Variants in SLC8A1 observed in about 807,000 individuals in gnomAD.
The protein encoded by SLC8A1 is solute carrier family 8 member A1.
A neutral mutation model predicts 68.3 loss-of-function variants in SLC8A1; 18 were observed. That is an observed-to-expected ratio of 0.26 (90% confidence interval 0.18 to 0.39). SLC8A1 has a LOEUF of 0.39. SLC8A1 is among the 10% of genes least tolerant of loss of function. SLC8A1 has a pLI of 1.00. For missense variants in SLC8A1, 985 were observed against 1,156.7 expected (o/e 0.85, Z 2.15); for synonymous variants, 475 against 415.5 (o/e 1.14, Z -1.74).
At chr2:40,286,395 T>C (rs1007670837) in intron 2 of SLC8A1, among the ~76,000 whole-genome samples, 1 of 152,134 alleles carries the variant, frequency 6.6e-6, no homozygotes, top group Admixed American at 6.5e-5. Context: ...CTTAAGACCA[T>C]TTATTTTGAG....
intron 2 of SLC8A1, among the ~76,000 whole-genome samples, chr2:40,343,685 G>C (rs1200414594): frequency 6.6e-6 from 1 of 152,056 alleles, no homozygotes; most frequent in African/African-American, 2.4e-5. Flanking sequence ...ATTAAATATA[G>C]ACATATCATA....
chr2:40,408,044 C>G (rs1576221785), intron 2 of SLC8A1, among the ~76,000 whole-genome samples: 1 of 152,144 alleles, frequency 6.6e-6, no homozygotes, highest in East Asian at 1.9e-4. Flanking sequence ...ATATGTTACC[C>G]CCATAACAAG....
chr2:40,194,411 G>T (rs1259246585), intron 2 of SLC8A1, among the ~76,000 whole-genome samples: 4 of 151,346 alleles, frequency 2.6e-5, no homozygotes, highest in African/African-American at 4.9e-5. Context: ...GTGGGAAAGG[G>T]TAAAAGGATA....
At chr2:40,097,463 A>C (rs547785293) in exon 8 of SLC8A1, 1 of 151,992 alleles carries the variant, frequency 6.6e-6, no homozygotes, top group East Asian at 1.9e-4. Flanking sequence ...ATATTAACAT[A>C]CCATCAATTT....
At chr2:40,330,947 A>G (rs2076345561) in intron 2 of SLC8A1, among the ~76,000 whole-genome samples, 1 of 152,208 alleles carries the variant, frequency 6.6e-6, no homozygotes, top group Non-Finnish European at 1.5e-5. Context: ...CACATACAAA[A>G]TTGAATGAAT....
intron 2 of SLC8A1, among the ~76,000 whole-genome samples, chr2:40,414,110 T>G (rs528251063): frequency 6.6e-6 from 1 of 152,344 alleles, no homozygotes; most frequent in Non-Finnish European, 1.5e-5. Context: ...ATAAATGTGT[T>G]GCTCATGCTC....
At chr2:40,152,602 G>C (rs1163277822) in intron 6 of SLC8A1, among the ~76,000 whole-genome samples, 2 of 149,644 alleles carry the variant, frequency 1.3e-5, no homozygotes, top group Non-Finnish European at 3.0e-5. Context: ...TTTTAGTAGA[G>C]ACAGAGTTTC....
chr2:40,451,102 C>T (rs535223373), intron 1 of SLC8A1, among the ~76,000 whole-genome samples: 3 of 152,196 alleles, frequency 2.0e-5, no homozygotes, highest in Admixed American at 2.0e-4. Flanking sequence ...GCTATAAGAC[C>T]GCCCTCTTCT....
chr2:40,170,679 G>A (rs990508854), intron 4 of SLC8A1, among the ~76,000 whole-genome samples: 3 of 152,192 alleles, frequency 2.0e-5, no homozygotes, highest in Non-Finnish European at 2.9e-5. Context: ...TCAAGGTACC[G>A]CTTGCAGAAG....
At chr2:40,408,993 A>AACTAT (rs1691276101) in intron 2 of SLC8A1, among the ~76,000 whole-genome samples, 1 of 152,198 alleles carries the variant, frequency 6.6e-6, no homozygotes, top group Admixed American at 6.6e-5. Context: ...AAAAAGTTGT[A>AACTAT]ACTATACAGC....
intron 2 of SLC8A1, among the ~76,000 whole-genome samples, chr2:40,426,004 C>T (rs1033560136): frequency 1.3e-5 from 2 of 151,802 alleles, no homozygotes; most frequent in African/African-American, 4.8e-5. Context: ...TTTCTAGAAA[C>T]CTTGTGTTTG....
At chr2:40,300,171 A>G (rs1297947543) in intron 2 of SLC8A1, among the ~76,000 whole-genome samples, 1 of 152,192 alleles carries the variant, frequency 6.6e-6, no homozygotes, top group Non-Finnish European at 1.5e-5. Flanking sequence ...AAATAAAAAT[A>G]AAAAACAACA....
intron 2 of SLC8A1, among the ~76,000 whole-genome samples, chr2:40,227,156 A>G (rs1022792229): frequency 3.4e-4 from 52 of 152,154 alleles, no homozygotes; most frequent in African/African-American, 1.2e-3. Flanking sequence ...AGGAACTAAT[A>G]TTTAAAATTC....
intron 1 of SLC8A1, among the ~76,000 whole-genome samples, chr2:40,499,632 T>C (rs1172358288): frequency 2.0e-5 from 3 of 151,878 alleles, no homozygotes; most frequent in Non-Finnish European, 2.9e-5. Flanking sequence ...CCCATCAGAG[T>C]TTATGGGGGG....
intron 4 of SLC8A1, among the ~76,000 whole-genome samples, chr2:40,169,100 AC>A (rs2047031478): frequency 6.6e-6 from 1 of 152,198 alleles, no homozygotes; most frequent in Admixed American, 6.5e-5. Context: ...GCTGTTTCTA[AC>A]GCTCTCTGGT....
chr2:40,421,803 C>T (rs1364410764), intron 2 of SLC8A1, among the ~76,000 whole-genome samples: 1 of 152,146 alleles, frequency 6.6e-6, no homozygotes, highest in Non-Finnish European at 1.5e-5. Context: ...TAGCCTGGCT[C>T]TATAGTGAAA....
chr2:40,137,680 T>C (rs980538691), intron 7 of SLC8A1, among the ~76,000 whole-genome samples: 1 of 152,094 alleles, frequency 6.6e-6, no homozygotes, highest in Non-Finnish European at 1.5e-5. Flanking sequence ...TGGAAAAAGA[T>C]GCAAAGAAAA....
At chr2:40,117,519 C>T (rs112299812) in intron 7 of SLC8A1, among the ~76,000 whole-genome samples, 4,380 of 148,518 alleles carry the variant, frequency 0.029, 92 homozygotes, top group Non-Finnish European at 0.043. Flanking sequence ...GACCCGTGAC[C>T]ATGCCACTGC....
At chr2:40,120,369 C>A (rs557890853) in intron 7 of SLC8A1, among the ~76,000 whole-genome samples, 293 of 152,308 alleles carry the variant, frequency 1.9e-3, no homozygotes, top group Non-Finnish European at 2.2e-3. Context: ...AAAGAGGCAG[C>A]CAAGGTGTAC....
Sources: allele counts gnomAD v4.1 joint callset (sites outside exome capture counted in the v4.1 genomes callset), GRCh38; gene constraint gnomAD v4.1.1; transcripts MANE v1.5; gene names NCBI Gene and HGNC (gene_info 2026-07-23, HGNC 2026-07-21).